The following LPIN1 variants were observed in gnomAD, a reference collection of about 807,000 sequenced individuals.
LPIN1 encodes the protein phosphatidate phosphatase LPIN1.
Under a neutral mutation model 107.5 loss-of-function variants are expected in LPIN1, and 71 were observed. The observed-to-expected ratio is 0.66, with a 90% CI of 0.55 to 0.80. LPIN1 has a LOEUF of 0.80. LPIN1 is among the 30% of genes least tolerant of loss of function. LPIN1 has a pLI of 0.00. For synonymous variants in LPIN1, 445 were observed against 452.6 expected (o/e 0.98, Z 0.21); for missense variants, 1,043 against 1,160.6 (o/e 0.90, Z 1.47).
At chr2:11,713,233 A>T (rs1663520270) in intron 1 of LPIN1, among the ~76,000 whole-genome samples, 1 of 152,238 alleles carries the variant, frequency 6.6e-6, no homozygotes, top group African/African-American at 2.4e-5. Flanking sequence ...TATGTAATTG[A>T]CACATCATAG....
At chr2:11,783,332 G>A (rs917270146) in intron 8 of LPIN1, among the ~76,000 whole-genome samples, 2 of 152,178 alleles carry the variant, frequency 1.3e-5, no homozygotes, top group Admixed American at 6.5e-5. Context: ...TAGCCTCAAT[G>A]CGTTTAGTGC....
At chr2:11,764,846 A>G (rs1670529857) in intron 1 of LPIN1, among the ~76,000 whole-genome samples, 1 of 152,228 alleles carries the variant, frequency 6.6e-6, no homozygotes, top group Non-Finnish European at 1.5e-5. Flanking sequence ...ATCATGACAG[A>G]AGAAGGGGCA....
At chr2:11,821,427 G>A (rs371957827) in intron 20 of LPIN1, among the ~76,000 whole-genome samples, 4 of 152,334 alleles carry the variant, frequency 2.6e-5, no homozygotes, top group African/African-American at 9.6e-5. Context: ...TGAGACAGGA[G>A]AATCACTTGA....
intron 6 of LPIN1, among the ~76,000 whole-genome samples, chr2:11,776,455 A>G (rs1383737705): frequency 6.6e-6 from 1 of 150,658 alleles, no homozygotes; most frequent in Non-Finnish European, 1.5e-5. Context: ...TTTAATTCCT[A>G]AATTTGACTC....
intron 2 of LPIN1, among the ~76,000 whole-genome samples, chr2:11,714,946 A>G (rs1250263183): frequency 2.0e-5 from 3 of 152,244 alleles, no homozygotes; most frequent in African/African-American, 7.2e-5. Context: ...AGTGACATGG[A>G]TGAAGAAGGC....
intron 1 of LPIN1, among the ~76,000 whole-genome samples, chr2:11,691,705 G>T (rs1198023979): frequency 1.3e-5 from 2 of 152,178 alleles, no homozygotes; most frequent in Admixed American, 6.5e-5. Flanking sequence ...TTGACCATGA[G>T]CCACAAGCAT....
chr2:11,710,219 A>T (rs1663338863), intron 1 of LPIN1, among the ~76,000 whole-genome samples: 1 of 152,126 alleles, frequency 6.6e-6, no homozygotes, highest in South Asian at 2.1e-4. Flanking sequence ...ACACCTCCAA[A>T]TACCATCACC....
intron 14 of LPIN1, among the ~76,000 whole-genome samples, 197 bp from the exon 15 acceptor site, chr2:11,802,710 G>A (rs939652141): frequency 1.3e-5 from 2 of 152,164 alleles, no homozygotes; most frequent in South Asian, 2.1e-4. Context: ...GCCCCCACAC[G>A]TGTAATGCAA....
intron 1 of LPIN1, among the ~76,000 whole-genome samples, chr2:11,691,861 A>G (rs1354899965): frequency 6.6e-6 from 1 of 152,232 alleles, no homozygotes; most frequent in Non-Finnish European, 1.5e-5. Flanking sequence ...TTGATACACT[A>G]TTACCCAACC....
At chr2:11,759,287 G>C (rs1669243155) in intron 1 of LPIN1, among the ~76,000 whole-genome samples, 1 of 152,022 alleles carries the variant, frequency 6.6e-6, no homozygotes, top group Admixed American at 6.5e-5. Flanking sequence ...AGATAAACAA[G>C]TGAACAAAGG....
chr2:11,766,207 G>T (rs1303223216), intron 2 of LPIN1, among the ~76,000 whole-genome samples: 1 of 152,254 alleles, frequency 6.6e-6, no homozygotes, highest in Non-Finnish European at 1.5e-5. Flanking sequence ...ATCTTGAGAG[G>T]GAGGAAGACA....
chr2:11,697,784 C>A lies in LPIN1; in HGVS notation c.82-15972C>A, dbSNP rs1317814179. Among the ~76,000 whole-genome samples the A allele has an allele frequency of 2.6e-5, 4 of 152,138 alleles. No individual in the cohort carries two copies. The highest frequency in any genetic ancestry group is 7.2e-5 in the African/African-American group (3 of 41,434). On this transcript the variant is annotated intron_variant, in intron 1 of 21. Transcript: ENST00000449576. The surrounding 1 kb of genome is among the most constrained non-coding windows in gnomAD (Gnocchi z 4.6). ...GTACCAAATGCCCCGGGCCTTGTGTCCTTCCCCATTTACAACCCCCTCCTC... is the reference window on the plus strand; with the variant it reads ...GTACCAAATGCCCCGGGCCTTGTGTACTTCCCCATTTACAACCCCCTCCTC...
chr2:11,787,285 G>A (rs1558913120), intron 11 of LPIN1, 118 bp downstream of exon 11: 3 of 735,582 alleles, frequency 4.1e-6, no homozygotes, highest in South Asian at 1.5e-5. Context: ...TTGCTACATT[G>A]CATTATTGCA....
chr2:11,824,227 T>G (rs1222634653), intron 20 of LPIN1, among the ~76,000 whole-genome samples: 1 of 151,904 alleles, frequency 6.6e-6, no homozygotes, highest in Non-Finnish European at 1.5e-5. Flanking sequence ...CTTTTCACTA[T>G]GCAATGAAGC....
Position 11,699,403 on chromosome 2 carries a change from C to T in LPIN1, c.82-14353C>T, listed in dbSNP as rs371279467. 4.2e-3 allele frequency among the ~76,000 whole-genome samples: 637 copies of T among 152,222 alleles called. 2 individuals carry two copies. The highest frequency in any genetic ancestry group is 0.014 in the African/African-American group (586 of 41,550). ...CGACCCACAGCTTAGACTTGACCGG[C>T]GCCCTGATGTCAGCGGGTATGGGTA... On this transcript the variant is annotated intron_variant, in intron 1 of 21. Transcript: ENST00000449576.
At chr2:11,804,639 T>C in intron 16 of LPIN1, 68 bp downstream of exon 16, 1 of 1,528,572 alleles carries the variant, frequency 6.5e-7, no homozygotes, top group Non-Finnish European at 9.1e-7. Flanking sequence ...CTGGGCCTGG[T>C]GTTGGCACCT....
chr2:11,774,207 C>A lies in LPIN1; in HGVS notation c.722+462C>A, dbSNP rs1468982087. On this transcript the variant is annotated intron_variant, in intron 5 of 20. Coordinates refer to ENST00000674199, the MANE Select transcript of LPIN1 (RefSeq NM_001349206.2). The surrounding 1 kb of genome is among the most constrained non-coding windows in gnomAD (Gnocchi z 4.4). ...TTCCCTGAAATGAACTCACAAGTTG[C>A]CCTAGAGGAAAACTTGGAGAACTAG... Among the ~76,000 whole-genome samples, 2 of 152,156 alleles carry A rather than the reference C, an allele frequency of 1.3e-5. No individual in the cohort carries two copies. Among genetic ancestry groups the A allele is most frequent in the Non-Finnish European group, 2.9e-5 (2 of 68,028 alleles).
intron 1 of LPIN1, among the ~76,000 whole-genome samples, chr2:11,709,722 C>T (rs1316469486): frequency 6.6e-6 from 1 of 152,228 alleles, no homozygotes; most frequent in African/African-American, 2.4e-5. Context: ...CGTTGGACAA[C>T]CCATTTGTAA....
chr2:11,820,932 ATTG>A (rs1045915776), intron 20 of LPIN1, among the ~76,000 whole-genome samples: 8 of 152,334 alleles, frequency 5.3e-5, no homozygotes, highest in East Asian at 1.9e-4. Flanking sequence ...TTGCTGTGTA[ATTG>A]TTAAGAATTC....
Sources: gnomAD v4.1 joint callset for allele counts (sites outside exome capture counted in the v4.1 genomes callset) on GRCh38, gnomAD v4.1.1 for gene constraint, Gnocchi (gnomAD v3.1) non-coding constraint, MANE v1.5 for transcripts, NCBI Gene and HGNC (gene_info 2026-07-23, HGNC 2026-07-21) for gene names.